The following ZNF609 variants were observed in gnomAD, a reference collection of about 807,000 sequenced individuals.
ZNF609 encodes zinc finger protein 609.
A neutral mutation model predicts 109.5 loss-of-function variants in ZNF609; 11 were observed. The ratio of observed to expected loss-of-function variants is 0.10; its 90% CI spans 0.06 to 0.17. The LOEUF is 0.17. Ranked by LOEUF, ZNF609 falls within the 10% of genes least tolerant of loss-of-function variation. ZNF609 has a pLI of 1.00. For synonymous variants in ZNF609, 646 were observed against 662.0 expected, an observed-to-expected ratio of 0.98 and a Z score of 0.37; for missense variants, 1,559 against 1,772.4, an observed-to-expected ratio of 0.88 and a Z score of 2.16.
chr15:64,491,313 C>T (rs1893409073), intron 1 of ZNF609, among the ~76,000 whole-genome samples: 1 of 152,110 alleles, frequency 6.6e-6, no homozygotes, highest in Non-Finnish European at 1.5e-5. Flanking sequence ...TTGTAGTAAC[C>T]ATACTGAAGC....
chr15:64,487,913 C>A (rs879460482), intron 1 of ZNF609, among the ~76,000 whole-genome samples: 1 of 152,150 alleles, frequency 6.6e-6, no homozygotes. Flanking sequence ...GGATTACAGG[C>A]GTGAACCACC....
At chr15:64,515,023 G>C (rs751230140) in intron 2 of ZNF609, among the ~76,000 whole-genome samples, 1 of 151,972 alleles carries the variant, frequency 6.6e-6, no homozygotes, top group Non-Finnish European at 1.5e-5. Flanking sequence ...TGTTGGTCTT[G>C]TCTTAAGCAA....
chr15:64,480,070 C>T (rs1487934864), intron 1 of ZNF609, among the ~76,000 whole-genome samples: 1 of 150,728 alleles, frequency 6.6e-6, no homozygotes, highest in African/African-American at 2.4e-5. Context: ...AACCCCGTCT[C>T]TACTAAAAAT....
At chr15:64,575,623 G>A (rs571075967) in intron 2 of ZNF609, among the ~76,000 whole-genome samples, 1 of 152,058 alleles carries the variant, frequency 6.6e-6, no homozygotes, top group Non-Finnish European at 1.5e-5. Context: ...TCATGGTTTT[G>A]GTTTTGTGTA....
intron 2 of ZNF609, among the ~76,000 whole-genome samples, chr15:64,588,442 A>AAG (rs1555421283): frequency 0.024 from 1,805 of 75,276 alleles, 261 homozygotes; most frequent in Middle Eastern, 0.067. Context: ...AAAAAAAAAA[A>AAG]AAGAAGAGGA....
intron 2 of ZNF609, among the ~76,000 whole-genome samples, chr15:64,591,434 C>T (rs1216409089): frequency 2.0e-5 from 3 of 151,610 alleles, no homozygotes; most frequent in African/African-American, 7.3e-5. Flanking sequence ...TCTCAAAAAA[C>T]AAACAAACAA....
chr15:64,660,837 C>T (rs1412561102), intron 3 of ZNF609, among the ~76,000 whole-genome samples: 2 of 152,192 alleles, frequency 1.3e-5, no homozygotes, highest in Non-Finnish European at 2.9e-5. Flanking sequence ...GCTTGAATGT[C>T]ATCTTCTTGA....
At chr15:64,559,153 C>T (rs1567014293) in intron 2 of ZNF609, among the ~76,000 whole-genome samples, 1 of 152,182 alleles carries the variant, frequency 6.6e-6, no homozygotes, top group African/African-American at 2.4e-5. Context: ...TGTGTGGCCT[C>T]ATAAATGTAA....
intron 2 of ZNF609, among the ~76,000 whole-genome samples, chr15:64,615,385 C>T (rs1895784114): frequency 1.4e-5 from 2 of 146,808 alleles, no homozygotes; most frequent in Non-Finnish European, 1.5e-5. Context: ...TCAAGTGAAC[C>T]TCTGTCCTTG....
At chr15:64,536,853 T>C (rs1459339135) in intron 2 of ZNF609, among the ~76,000 whole-genome samples, 1 of 136,370 alleles carries the variant, frequency 7.3e-6, no homozygotes, top group African/African-American at 2.8e-5. Context: ...GAGGCTGCAG[T>C]GAGCCGGAAT....
intron 2 of ZNF609, among the ~76,000 whole-genome samples, chr15:64,540,535 G>A (rs1290361494): frequency 6.6e-6 from 1 of 151,876 alleles, no homozygotes; most frequent in East Asian, 2.0e-4. Context: ...CTCCCAAGTA[G>A]CTGGGACTAC....
rs71133442 is a variant in ZNF609 at position 64,573,346 on chromosome 15, C to CTTTTTTTT, written c.748-49462_748-49455dup. On this transcript the variant is annotated intron_variant, in intron 2 of 9. Transcript: ENST00000326648. ...GCAGTAGAGTTAGTGGCCCAACTTTCTTTTTTTTTTTTTTTTTTTTTTTTT... is the reference window on the plus strand; with the variant it reads ...GCAGTAGAGTTAGTGGCCCAACTTTCTTTTTTTTTTTTTTTTTTTTTTTTTTTTTTTTT... Among the ~76,000 whole-genome samples the CTTTTTTTT allele has an allele frequency of 9.9e-3, 719 of 72,970 alleles. 184 individuals carry two copies. The highest frequency in any genetic ancestry group is 0.03 in the Middle Eastern group (2 of 66). The allele number at this position is 72,970 out of a possible 152,430, so 47.9% of individuals were successfully genotyped here. A position where few individuals can be genotyped will look rare whatever the true frequency, so the allele number is the denominator to read the frequency against.
chr15:64,597,887 C>A (rs1302173448), intron 2 of ZNF609, among the ~76,000 whole-genome samples: 1 of 152,134 alleles, frequency 6.6e-6, no homozygotes, highest in Non-Finnish European at 1.5e-5. Flanking sequence ...TCACACTATT[C>A]TCAATCTCTT....
At position 64,538,745 on chromosome 15, in the gene ZNF609, C is replaced by T. The variant is rs186271075; in HGVS notation, c.747+38579C>T. On this transcript the variant is annotated intron_variant, in intron 2 of 9. Transcript: ENST00000326648. ...ATTTTTAGTAGAGACGGGGTTTCTC[C>T]ATGTTAGTCAGGCTGGTCTTGAACT... Among the ~76,000 whole-genome samples the T allele has an allele frequency of 7.7e-4, 117 of 152,060 alleles. 1 individual carries two copies. In the East Asian group the frequency reaches 0.022, roughly 28 times the overall value.
chr15:64,545,315 C>T (rs483355), intron 2 of ZNF609, among the ~76,000 whole-genome samples: 112,409 of 151,762 alleles, frequency 0.74, 45,140 homozygotes, highest in East Asian at 0.96. Flanking sequence ...TCTCCCACCT[C>T]ACCCTCCCGA....
chr15:64,499,584 G>T lies in ZNF609; in HGVS notation c.165G>T (p.Lys55Asn). 6.2e-7 allele frequency: 1 copy of T among 1,614,194 alleles called. No individual in the cohort carries two copies. Among genetic ancestry groups the T allele is most frequent in the East Asian group, 2.2e-5 (1 of 44,882 alleles). The change falls in exon 2 of 10, where the codon AAG becomes AAT. Residue 55 changes from lysine to asparagine, a missense_variant. Lys to Asn is a moderately conservative substitution (Grantham distance 94). Coordinates refer to ENST00000326648, the MANE Select transcript of ZNF609 (RefSeq NM_015042.2). ...AGAAACTGGAAATGTCAGGCTCAAA[G>T]GAGGTGGGGATACCGGCTCCCAATG... Reference protein sequence around the residue: ...DQQKLEMSGSKEVGIPAPNAV... With the variant: ...DQQKLEMSGSNEVGIPAPNAV...
intron 2 of ZNF609, among the ~76,000 whole-genome samples, chr15:64,577,788 G>A (rs1308046299): frequency 6.6e-6 from 1 of 151,118 alleles, no homozygotes; most frequent in Non-Finnish European, 1.5e-5. Context: ...GAACCCAGGA[G>A]TCAGAGGTTT....
rs1257565714 is a variant in ZNF609, at chr15:64,675,821, T to C, written c.2967T>C (p.Ser989=). 6.2e-7 allele frequency: 1 copy of C among 1,613,888 alleles called. No individual in the cohort carries two copies. The highest frequency in any genetic ancestry group is 1.3e-5 in the African/African-American group (1 of 74,924). Residue 989 remains serine, a synonymous_variant, in exon 5 of 10, where the codon AGT becomes AGC. Coordinates refer to ENST00000326648, the MANE Select transcript of ZNF609 (RefSeq NM_015042.2). ...YVPPYGYSDQ[S]YHTHLLSTNT... Reference sequence around the variant, plus strand: ...CCCCCTATGGCTACAGCGACCAGAGTTACCACACCCACCTTCTGAGCACTA... The same window carrying C: ...CCCCCTATGGCTACAGCGACCAGAGCTACCACACCCACCTTCTGAGCACTA...
At chr15:64,656,489 CTCAGT>C (rs1268253411) in intron 3 of ZNF609, among the ~76,000 whole-genome samples, 1 of 152,144 alleles carries the variant, frequency 6.6e-6, no homozygotes, top group Non-Finnish European at 1.5e-5. Flanking sequence ...TGACACATGC[CTCAGT>C]TCTTCACTTG....
Sources: gnomAD v4.1 joint callset for allele counts (sites outside exome capture counted in the v4.1 genomes callset) on GRCh38, gnomAD v4.1.1 for gene constraint, MANE v1.5 for transcripts, NCBI Gene and HGNC (gene_info 2026-07-23, HGNC 2026-07-21) for gene names.